Variants in LIPA observed in about 807,000 individuals in gnomAD.
LIPA encodes lysosomal acid lipase/cholesteryl ester hydrolase.
Under a neutral mutation model 40.6 loss-of-function variants are expected in LIPA, and 26 were observed. The observed-to-expected ratio is 0.64, with a 90% CI of 0.47 to 0.89. LIPA has a LOEUF of 0.89. LIPA is among the 40% of genes least tolerant of loss of function. LIPA has a pLI of 0.00. For synonymous variants in LIPA, 188 were observed against 168.4 expected, an observed-to-expected ratio of 1.12 and a Z score of -0.90; for missense variants, 455 against 479.6, an observed-to-expected ratio of 0.95 and a Z score of 0.48.
chr10:89,360,778 T>C (rs1361620929), intron 2 of LIPA, among the ~76,000 whole-genome samples: 3 of 152,208 alleles, frequency 2.0e-5, no homozygotes, highest in Admixed American at 6.5e-5. Flanking sequence ...TGTGTATTAA[T>C]TTCCTAGGGC....
chr10:89,221,047 G>A (rs1323670064), intron 8 of LIPA, among the ~76,000 whole-genome samples: 1 of 152,066 alleles, frequency 6.6e-6, no homozygotes, highest in Non-Finnish European at 1.5e-5. Flanking sequence ...CAGATCAGTG[G>A]GATTGAGGGG....
chr10:89,286,471 C>A (rs539402614), intron 1 of LIPA, among the ~76,000 whole-genome samples: 1 of 152,210 alleles, frequency 6.6e-6, no homozygotes, highest in Non-Finnish European at 1.5e-5. Context: ...CCCTCCCGGA[C>A]CTGCCCAGCA....
intron 1 of LIPA, among the ~76,000 whole-genome samples, chr10:89,337,324 T>C (rs1179482134): frequency 6.6e-6 from 1 of 152,034 alleles, no homozygotes; most frequent in African/African-American, 2.4e-5. Flanking sequence ...CAATAAAGAG[T>C]CATGGGATAG....
intron 2 of LIPA, among the ~76,000 whole-genome samples, chr10:89,373,029 T>G (rs1359433844): frequency 6.6e-6 from 1 of 152,074 alleles, no homozygotes; most frequent in East Asian, 1.9e-4. Flanking sequence ...GCACAGAAAT[T>G]CAGTTAGAAT....
chr10:89,384,758 C>T (rs1273998791), intron 2 of LIPA: 10 of 1,511,244 alleles, frequency 6.6e-6, no homozygotes, highest in South Asian at 1.2e-5. Context: ...CACCATTATC[C>T]ATTTAATGGT....
chr10:89,342,208 T>C (rs1163558213), intron 1 of LIPA, among the ~76,000 whole-genome samples: 3 of 152,184 alleles, frequency 2.0e-5, no homozygotes, highest in Admixed American at 6.5e-5. Flanking sequence ...ACAATAATTC[T>C]AATGAAATGC....
chr10:89,225,571 C>A (rs1842758687), intron 5 of LIPA, among the ~76,000 whole-genome samples: 1 of 152,176 alleles, frequency 6.6e-6, no homozygotes, highest in South Asian at 2.1e-4. Flanking sequence ...ACCCCATCAC[C>A]TTTATCTCCC....
At chr10:89,339,488 A>G in intron 1 of LIPA, 1 of 1,614,098 alleles carries the variant, frequency 6.2e-7, no homozygotes, top group Non-Finnish European at 8.5e-7. Flanking sequence ...GGCTACCTCT[A>G]TCACCAGATT....
At chr10:89,257,723 G>GA (rs1386111504) in intron 1 of LIPA, among the ~76,000 whole-genome samples, 2 of 152,208 alleles carry the variant, frequency 1.3e-5, no homozygotes, top group African/African-American at 4.8e-5. Context: ...AAATAGAGGA[G>GA]AAAAATGAGA....
intron 1 of LIPA, among the ~76,000 whole-genome samples, chr10:89,321,388 C>T (rs1395870317): frequency 1.3e-5 from 2 of 152,154 alleles, no homozygotes. Flanking sequence ...AATCAAACAA[C>T]CCCATCAAAA....
chr10:89,370,234 T>G (rs1026342829), intron 2 of LIPA, among the ~76,000 whole-genome samples: 14 of 152,142 alleles, frequency 9.2e-5, no homozygotes, highest in Admixed American at 2.6e-4. Context: ...GTTTTGTTTT[T>G]TTTTTTCTGA....
intron 9 of LIPA, among the ~76,000 whole-genome samples, 171 bp from the exon 10 acceptor site, chr10:89,215,232 G>C (rs1482388954): frequency 6.6e-6 from 1 of 152,138 alleles, no homozygotes; most frequent in Non-Finnish European, 1.5e-5. Flanking sequence ...CACAAAAAAA[G>C]AAATCTAACC....
chr10:89,304,056 T>C (rs745649547), intron 1 of LIPA, among the ~76,000 whole-genome samples: 5 of 152,228 alleles, frequency 3.3e-5, no homozygotes, highest in Non-Finnish European at 5.9e-5. Flanking sequence ...TGAAGCACTC[T>C]AGTAACTTTA....
At chr10:89,358,617 T>G (rs1437643684) in intron 2 of LIPA, among the ~76,000 whole-genome samples, 1 of 152,224 alleles carries the variant, frequency 6.6e-6, no homozygotes, top group African/African-American at 2.4e-5. Flanking sequence ...TCCTGTCATT[T>G]GCAACAACAT....
chr10:89,219,969 G>A (rs1842676425), intron 8 of LIPA, among the ~76,000 whole-genome samples: 2 of 152,154 alleles, frequency 1.3e-5, no homozygotes, highest in South Asian at 4.1e-4. Context: ...CAGTGCTCTG[G>A]CCCTCACCCT....
At chr10:89,412,756 C>G (rs1383066653) in intron 2 of LIPA, 5 of 438,466 alleles carry the variant, frequency 1.1e-5, no homozygotes, top group Non-Finnish European at 2.3e-5. Context: ...AGGTCTGCAG[C>G]TGCACTCCTG....
chr10:89,332,528 G>T (rs1359587980), intron 1 of LIPA: 1 of 1,611,488 alleles, frequency 6.2e-7, no homozygotes, highest in Non-Finnish European at 8.5e-7. Context: ...CAGCACCCTG[G>T]GTGGAAACCT....
intron 2 of LIPA, among the ~76,000 whole-genome samples, chr10:89,359,892 G>A (rs1844011934): frequency 6.6e-6 from 1 of 151,188 alleles, no homozygotes; most frequent in South Asian, 2.1e-4. Flanking sequence ...TAATGCCTAA[G>A]TTCTATGTTC....
Position 89,251,774 on chromosome 10 carries a change from G to C in LIPA, c.-39C>G, listed in dbSNP as rs959905444. On this transcript the variant is annotated 5_prime_UTR_variant, in exon 1 of 10. Coordinates refer to ENST00000336233, the MANE Select transcript of LIPA (RefSeq NM_000235.4). ...TGCCGGGCCGCTGTCTCGAGTCGCA[G>C]TGCCAGCTCTCAGGGGCCGGGGTGC... 65 of 152,400 alleles carry C rather than the reference G, an allele frequency of 4.3e-4. 1 individual carries two copies. Among genetic ancestry groups the C allele is most frequent in the African/African-American group, 1.6e-3 (65 of 41,464 alleles). 9.4% of individuals were successfully genotyped at this position (152,400 alleles called of 1,614,324 possible). A position where few individuals can be genotyped will look rare whatever the true frequency, so the allele number is the denominator to read the frequency against.
Sources: gnomAD v4.1 joint callset for allele counts (sites outside exome capture counted in the v4.1 genomes callset) on GRCh38, gnomAD v4.1.1 for gene constraint, MANE v1.5 for transcripts, NCBI Gene and HGNC (gene_info 2026-07-23, HGNC 2026-07-21) for gene names.